Variants in G3BP2 observed in about 807,000 individuals in gnomAD.
The protein encoded by G3BP2 is G3BP stress granule assembly factor 2.
Under a neutral mutation model 56.7 loss-of-function variants are expected in G3BP2, and 11 were observed. The observed-to-expected ratio is 0.19, with a 90% confidence interval of 0.12 to 0.32. The LOEUF (loss-of-function observed/expected upper bound fraction) is 0.32, where lower values mean the gene tolerates loss of function less well. G3BP2 is among the 10% of genes least tolerant of loss of function. The probability of loss-of-function intolerance (pLI) is 1.00; values close to 1 mark genes in which losing one functional copy is unlikely to be tolerated. For missense variants in G3BP2, 340 were observed against 610.9 expected, an observed-to-expected ratio of 0.56 and a Z score of 4.67; for synonymous variants, 165 against 191.6, an observed-to-expected ratio of 0.86 and a Z score of 1.15.
At chr4:75,695,813 A>C (rs528439313) in intron 3 of G3BP2, among the ~76,000 whole-genome samples, 4 of 152,208 alleles carry the variant, frequency 2.6e-5, no homozygotes, top group African/African-American at 9.6e-5. Context: ...GTCTCTACTA[A>C]AAATACAAAA....
rs529257201 is a variant in G3BP2 at position 75,721,559 on chromosome 4, C to T, written c.-117-590G>A. ...AGCCATGAGCTACGTCTTTAAAAAC[C>T]TATATACGATACTGAAGGGGCTTAT... is the stretch of plus-strand genomic sequence containing the variant. On this transcript the variant is annotated intron_variant, in intron 2 of 3. Transcript: ENST00000499709. Among the ~76,000 whole-genome samples, 26 of 152,108 alleles carry T rather than the reference C, an allele frequency of 1.7e-4. No homozygotes were observed. The South Asian group carries it at 5.2e-3, about 30-fold the overall frequency.
At chr4:75,690,161 C>T (rs1218579433) in intron 3 of G3BP2, among the ~76,000 whole-genome samples, 5 of 152,264 alleles carry the variant, frequency 3.3e-5, no homozygotes, top group African/African-American at 9.6e-5. Context: ...AGGACAGGCG[C>T]GGTGGCTCAC....
upstream of G3BP2, chr4:75,673,794 T>A: frequency 2.9e-6 from 1 of 345,024 alleles, no homozygotes; most frequent in Non-Finnish European, 5.0e-6. Flanking sequence ...GGAGGGAATT[T>A]AGTAATCTCT....
intron 1 of G3BP2, among the ~76,000 whole-genome samples, chr4:75,664,108 T>G (rs1178563993): frequency 2.0e-5 from 3 of 151,488 alleles, no homozygotes; most frequent in African/African-American, 7.3e-5. Context: ...GGTCTTGAAC[T>G]CCTGACCTCG....
intron 1 of G3BP2, among the ~76,000 whole-genome samples, chr4:75,663,710 A>T (rs901126604): frequency 2.0e-5 from 3 of 151,822 alleles, no homozygotes; most frequent in African/African-American, 7.3e-5. Flanking sequence ...AAATAAAAAA[A>T]TTAGCCAGGT....
At chr4:75,694,072 C>T (rs1348048698) in intron 3 of G3BP2, among the ~76,000 whole-genome samples, 1 of 152,132 alleles carries the variant, frequency 6.6e-6, no homozygotes, top group East Asian at 1.9e-4. Context: ...GCTAAAGAGA[C>T]AGGGCTTCCC....
intron 3 of G3BP2, among the ~76,000 whole-genome samples, chr4:75,706,153 G>C (rs775558119): frequency 6.6e-6 from 1 of 152,152 alleles, no homozygotes; most frequent in Non-Finnish European, 1.5e-5. Flanking sequence ...ACTCATAGGT[G>C]AGTGCTTTGG....
intron 3 of G3BP2, among the ~76,000 whole-genome samples, chr4:75,688,343 C>T (rs1718708122): frequency 6.6e-6 from 1 of 152,104 alleles, no homozygotes; most frequent in Admixed American, 6.5e-5. Context: ...ACACCCGGCC[C>T]CCATTAAGAT....
chr4:75,705,855 C>G (rs1401130456), intron 3 of G3BP2, among the ~76,000 whole-genome samples: 1 of 152,090 alleles, frequency 6.6e-6, no homozygotes, highest in Non-Finnish European at 1.5e-5. Context: ...ATTTTACTGC[C>G]CTTAAAACTC....
rs1241078295 is a variant in G3BP2 at position 75,643,728 on chromosome 4, T to C, written c.*1702A>G. The C allele has an allele frequency of 1.3e-5, 2 of 152,636 alleles. No individual in the cohort carries two copies. Among genetic ancestry groups the C allele is most frequent in the Non-Finnish European group, 2.9e-5 (2 of 68,034 alleles). 9.5% of individuals were successfully genotyped at this position (152,636 alleles called of 1,614,324 possible). A position where few individuals can be genotyped will look rare whatever the true frequency, so the allele number is the denominator to read the frequency against. ...TTGCTACTATGTCAAGTGCATATCT[T>C]GTCTGTTTTACAAAGATAGAATGGA... On this transcript the variant is annotated 3_prime_UTR_variant, in exon 12 of 12. Transcript: ENST00000359707.
In G3BP2 at chr4:75,707,967, C is replaced by A. The variant is rs115144648; in HGVS notation, c.-25+12910G>T. ...TATATACATAAAATGAGATTTATTTCATAGTAAATTCCATGTATATGTAAT... is the reference window on the plus strand; with the variant it reads ...TATATACATAAAATGAGATTTATTTAATAGTAAATTCCATGTATATGTAAT... On this transcript the variant is annotated intron_variant, in intron 3 of 3. Coordinates refer to the G3BP2 transcript ENST00000499709. Among the ~76,000 whole-genome samples, 285 of 152,236 alleles carry A rather than the reference C, an allele frequency of 1.9e-3. 4 individuals are homozygous for A. The highest frequency in any genetic ancestry group is 6.5e-3 in the African/African-American group (271 of 41,528).
chr4:75,711,324 A>C (rs36024100), intron 3 of G3BP2, among the ~76,000 whole-genome samples: 43,413 of 142,356 alleles, frequency 0.3, 7,108 homozygotes, highest in East Asian at 0.71. Context: ...ATCTCAAAGA[A>C]AAAAAAAAAA....
chr4:75,703,962 A>C (rs1436183462), intron 3 of G3BP2, among the ~76,000 whole-genome samples: 1 of 152,128 alleles, frequency 6.6e-6, no homozygotes, highest in African/African-American at 2.4e-5. Flanking sequence ...TTGATAAATA[A>C]ATTTTAGATC....
intron 1 of G3BP2, among the ~76,000 whole-genome samples, chr4:75,667,876 C>T (rs1045042006): frequency 1.3e-5 from 2 of 152,048 alleles, no homozygotes; most frequent in African/African-American, 2.4e-5. Flanking sequence ...GCAACAAGAG[C>T]GAAACTCTGT....
intron 3 of G3BP2, among the ~76,000 whole-genome samples, chr4:75,693,800 A>T (rs79082162): frequency 2.0e-5 from 3 of 147,222 alleles, no homozygotes; most frequent in Non-Finnish European, 4.5e-5. Context: ...AAAAAAAAAA[A>T]AGAGCTGGAC....
At chr4:75,716,472 G>A (rs1719930187) in intron 3 of G3BP2, among the ~76,000 whole-genome samples, 1 of 151,458 alleles carries the variant, frequency 6.6e-6, no homozygotes, top group Non-Finnish European at 1.5e-5. Context: ...ACCACACCCG[G>A]CCCTCTTCTA....
intron 1 of G3BP2, 183 bp downstream of exon 1, chr4:75,673,020 TAGAGG>T (rs1448793406): frequency 2.0e-6 from 2 of 987,528 alleles, no homozygotes; most frequent in Non-Finnish European, 2.4e-6. Context: ...ACCCCTCACC[TAGAGG>T]AAAGACTGGT....
At chr4:75,667,779 AC>A (rs1425597996) in intron 1 of G3BP2, among the ~76,000 whole-genome samples, 1 of 152,132 alleles carries the variant, frequency 6.6e-6, no homozygotes. Flanking sequence ...AGTCCCAGCT[AC>A]TCAGGAGGCT....
Position 75,673,229 on chromosome 4 carries a change from G to T in G3BP2, c.-46C>A. The T allele has an allele frequency of 8.2e-7, 1 of 1,216,292 alleles. No homozygotes were observed. Among genetic ancestry groups the T allele is most frequent in the South Asian group, 4.3e-5 (1 of 23,372 alleles). The allele number at this position is 1,216,292 out of a possible 1,614,324, so 75.3% of individuals were successfully genotyped here. On this transcript the variant is annotated 5_prime_UTR_variant, in exon 1 of 12. Coordinates refer to ENST00000359707, the MANE Select transcript of G3BP2 (RefSeq NM_203505.3). Reference sequence around the variant, plus strand: ...ACACCTCCAGCCAACGGCGGCGGCGGGTACGTCGCGCGGAGGTCAGAAGAG... The same window carrying T: ...ACACCTCCAGCCAACGGCGGCGGCGTGTACGTCGCGCGGAGGTCAGAAGAG...
Sources: allele counts gnomAD v4.1 joint callset (sites outside exome capture counted in the v4.1 genomes callset), GRCh38; gene constraint gnomAD v4.1.1; transcripts MANE v1.5; gene names NCBI Gene and HGNC (gene_info 2026-07-23, HGNC 2026-07-21).